Variants in CDH13 observed in about 807,000 individuals in gnomAD.
CDH13 encodes cadherin-13.
CDH13 carries 24 observed loss-of-function variants against 63.8 expected under a neutral mutation model. The ratio of observed to expected loss-of-function variants is 0.38; its 90% CI spans 0.27 to 0.53. The LOEUF (loss-of-function observed/expected upper bound fraction) is 0.53, where lower values mean the gene tolerates loss of function less well. Ranked by LOEUF, CDH13 falls within the 20% of genes least tolerant of loss-of-function variation. CDH13 has a pLI of 0.85. For missense variants in CDH13, 1,049 were observed against 903.1 expected (o/e 1.16, Z -2.07); for synonymous variants, 503 against 355.3 (o/e 1.42, Z -4.67).
intron 1 of CDH13, among the ~76,000 whole-genome samples, chr16:82,706,056 T>C (rs1272794513): frequency 6.6e-6 from 1 of 152,040 alleles, no homozygotes; most frequent in Non-Finnish European, 1.5e-5. Context: ...TCTTCCCTTC[T>C]TCCTTATTCT....
At chr16:82,757,697 G>A (rs1213386953) in intron 1 of CDH13, among the ~76,000 whole-genome samples, 1 of 121,728 alleles carries the variant, frequency 8.2e-6, no homozygotes, top group East Asian at 2.4e-4. Flanking sequence ...AGGCTGGAGC[G>A]CAGTGGTGCG....
At chr16:83,772,674 G>A (rs973987198) in intron 11 of CDH13, 1 of 152,112 alleles carries the variant, frequency 6.6e-6, no homozygotes, top group Non-Finnish European at 1.5e-5. Context: ...TTGCCAACGG[G>A]TGCACACAGT....
At chr16:83,000,439 A>C (rs72794147) in intron 2 of CDH13, among the ~76,000 whole-genome samples, 1 of 150,018 alleles carries the variant, frequency 6.7e-6, no homozygotes, top group Non-Finnish European at 1.5e-5. Context: ...TCGTAGAGAC[A>C]CGGTTTCACC....
chr16:82,803,907 A>G (rs2037003889), intron 1 of CDH13, among the ~76,000 whole-genome samples: 1 of 152,208 alleles, frequency 6.6e-6, no homozygotes, highest in South Asian at 2.1e-4. Flanking sequence ...TAGTGCTTTT[A>G]GGTAACAAAA....
At chr16:83,427,084 G>A (rs57326241) in intron 6 of CDH13, among the ~76,000 whole-genome samples, 7,255 of 151,326 alleles carry the variant, frequency 0.048, 172 homozygotes, top group South Asian at 0.093. Flanking sequence ...CCGCCACCCC[G>A]CCTGGCTAAT....
At chr16:83,147,756 A>T (rs948912772) in intron 4 of CDH13, among the ~76,000 whole-genome samples, 1 of 151,712 alleles carries the variant, frequency 6.6e-6, no homozygotes, top group Non-Finnish European at 1.5e-5. Context: ...TTGTTTGTCC[A>T]CCTGAGTATC....
chr16:82,957,241 A>T (rs1567693642), intron 2 of CDH13, among the ~76,000 whole-genome samples: 1 of 152,166 alleles, frequency 6.6e-6, no homozygotes, highest in Non-Finnish European at 1.5e-5. Context: ...ATATGACTAA[A>T]TCTAGCTGCA....
At chr16:83,486,051 G>A (rs1210002000) in intron 6 of CDH13, among the ~76,000 whole-genome samples, 1 of 152,122 alleles carries the variant, frequency 6.6e-6, no homozygotes, top group African/African-American at 2.4e-5. Context: ...GCTGAGGCAG[G>A]AGAATCACTT....
chr16:82,854,876 T>A (rs1450013728), intron 1 of CDH13, among the ~76,000 whole-genome samples: 1 of 152,230 alleles, frequency 6.6e-6, no homozygotes, highest in Non-Finnish European at 1.5e-5. Context: ...ATTTAACAAT[T>A]ATTGACTCCT....
At chr16:83,453,255 T>C (rs2072930519) in intron 6 of CDH13, among the ~76,000 whole-genome samples, 1 of 152,122 alleles carries the variant, frequency 6.6e-6, no homozygotes, top group Non-Finnish European at 1.5e-5. Flanking sequence ...AGACTACAAA[T>C]TGAGTTCAGT....
intron 1 of CDH13, among the ~76,000 whole-genome samples, chr16:82,737,661 C>G (rs1474284507): frequency 6.6e-6 from 1 of 152,134 alleles, no homozygotes; most frequent in Non-Finnish European, 1.5e-5. Context: ...ACTGATGACC[C>G]CAGACACAGA....
At chr16:83,060,738 A>G (rs1398008606) in intron 3 of CDH13, among the ~76,000 whole-genome samples, 1 of 152,192 alleles carries the variant, frequency 6.6e-6, no homozygotes, top group East Asian at 1.9e-4. Context: ...GCACAGGTTT[A>G]CATTTTTTAA....
intron 1 of CDH13, among the ~76,000 whole-genome samples, chr16:82,674,366 T>C (rs542691902): frequency 6.6e-6 from 1 of 152,318 alleles, no homozygotes; most frequent in East Asian, 1.9e-4. Flanking sequence ...CACTTAGTTT[T>C]CATCTTTGAT....
At position 82,923,713 on chromosome 16, in the gene CDH13, A is replaced by G. The variant is rs139855041; in HGVS notation, c.157+65240A>G. Among the ~76,000 whole-genome samples, 82 of 152,362 alleles carry G rather than the reference A, an allele frequency of 5.4e-4. 1 individual carries two copies. Among genetic ancestry groups the G allele is most frequent in the African/African-American group, 1.8e-3 (74 of 41,594 alleles). On this transcript the variant is annotated intron_variant, in intron 2 of 13. Coordinates refer to ENST00000567109, the MANE Select transcript of CDH13 (RefSeq NM_001257.5). ...TATGAAACCAGAACACAGCTGATAC[A>G]TGCAGTGAAGCGGCTCTTAAATATG...
chr16:83,667,989 T>G (rs1188231666), intron 8 of CDH13, among the ~76,000 whole-genome samples: 1 of 152,110 alleles, frequency 6.6e-6, no homozygotes, highest in Non-Finnish European at 1.5e-5. Flanking sequence ...TAAAGCACAT[T>G]ACTCTATTAT....
chr16:82,749,839 C>A (rs1289752972), intron 1 of CDH13, among the ~76,000 whole-genome samples: 1 of 152,048 alleles, frequency 6.6e-6, no homozygotes, highest in African/African-American at 2.4e-5. Context: ...TCACCAGCAC[C>A]TAACATACAT....
At chr16:83,558,422 C>T (rs978148243) in intron 7 of CDH13, among the ~76,000 whole-genome samples, 2 of 152,168 alleles carry the variant, frequency 1.3e-5, no homozygotes. Flanking sequence ...CTGTTATGTG[C>T]AACAACTTCT....
intron 7 of CDH13, among the ~76,000 whole-genome samples, chr16:83,527,673 T>G (rs2074995721): frequency 6.6e-6 from 1 of 152,128 alleles, no homozygotes. Context: ...CTGACCCAGG[T>G]GCTACGAAAG....
At chr16:83,637,157 C>T (rs1024520211) in intron 8 of CDH13, among the ~76,000 whole-genome samples, 1 of 152,090 alleles carries the variant, frequency 6.6e-6, no homozygotes, top group African/African-American at 2.4e-5. Flanking sequence ...TTTTTATCCC[C>T]TCTAAAATTA....
Sources: allele counts gnomAD v4.1 joint callset (sites outside exome capture counted in the v4.1 genomes callset), GRCh38; gene constraint gnomAD v4.1.1; transcripts MANE v1.5; gene names NCBI Gene and HGNC (gene_info 2026-07-23, HGNC 2026-07-21).